The following PLEKHG1 variants were observed in gnomAD, a reference collection of about 807,000 sequenced individuals.
PLEKHG1 encodes the protein pleckstrin homology domain-containing family G member 1.
Under a neutral mutation model 100.8 loss-of-function variants are expected in PLEKHG1, and 44 were observed. The ratio of observed to expected loss-of-function variants is 0.44; its 90% CI spans 0.34 to 0.56. The LOEUF is 0.56. Among genes scored for constraint, PLEKHG1 ranks in the 20% least tolerant of loss-of-function variants. The pLI is 0.01. For missense variants in PLEKHG1, 1,545 were observed against 1,720.9 expected (o/e 0.90, Z 1.81); for synonymous variants, 640 against 662.5 (o/e 0.97, Z 0.52).
At chr6:150,816,337 T>C (rs1425261907) in intron 10 of PLEKHG1, among the ~76,000 whole-genome samples, 1 of 116,970 alleles carries the variant, frequency 8.5e-6, no homozygotes, top group African/African-American at 3.5e-5. Context: ...TTTTTTTTTT[T>C]TTTTTTTTTT....
chr6:150,764,269 C>A (rs1223329403), intron 2 of PLEKHG1, among the ~76,000 whole-genome samples: 1 of 152,002 alleles, frequency 6.6e-6, no homozygotes, highest in Non-Finnish European at 1.5e-5. Flanking sequence ...CAGGTGCCTG[C>A]CACCATGCCC....
chr6:150,681,775 G>T (rs1779943497), intron 3 of PLEKHG1, among the ~76,000 whole-genome samples: 2 of 152,128 alleles, frequency 1.3e-5, no homozygotes, highest in South Asian at 4.1e-4. Context: ...GCCCTGTAGT[G>T]CAGGGAGACC....
chr6:150,615,871 CCACTAGTCCAGGTGATGACTGAGCACT>C (rs951964593), intron 1 of PLEKHG1, among the ~76,000 whole-genome samples: 1 of 152,216 alleles, frequency 6.6e-6, no homozygotes, highest in African/African-American at 2.4e-5. Flanking sequence ...TAGCTTATCA[CCACTAGTCCAGGTGATGACTGAGCACT>C]CACTAGTCCA....
intron 7 of PLEKHG1, among the ~76,000 whole-genome samples, chr6:150,807,344 G>GT (rs1234437370): frequency 1.3e-5 from 2 of 152,210 alleles, no homozygotes; most frequent in East Asian, 3.9e-4. Context: ...TGAATGGCTG[G>GT]TTTTTCATAC....
At chr6:150,632,550 T>C (rs1229120418) in intron 1 of PLEKHG1, among the ~76,000 whole-genome samples, 1 of 152,232 alleles carries the variant, frequency 6.6e-6, no homozygotes, top group African/African-American at 2.4e-5. Flanking sequence ...GCCATACCCC[T>C]CTACCTGGCC....
chr6:150,822,260 T>C (rs909211922), intron 13 of PLEKHG1, among the ~76,000 whole-genome samples: 2 of 144,112 alleles, frequency 1.4e-5, no homozygotes, highest in Non-Finnish European at 3.0e-5. Context: ...AGAAAATCCA[T>C]ACATTTAAAT....
upstream of PLEKHG1, among the ~76,000 whole-genome samples, chr6:150,719,005 G>A (rs1379436854): frequency 6.6e-6 from 1 of 152,128 alleles, no homozygotes; most frequent in East Asian, 1.9e-4. Context: ...ATGCAGTTTA[G>A]GTGCTTTCAC....
chr6:150,689,413 A>G (rs2345745), intron 3 of PLEKHG1, among the ~76,000 whole-genome samples: 44,905 of 152,084 alleles, frequency 0.3, 8,210 homozygotes, highest in African/African-American at 0.52. Flanking sequence ...CTTTTCAGTT[A>G]GTTCTTTAAA....
chr6:150,786,998 C>T (rs1213869023), intron 4 of PLEKHG1, among the ~76,000 whole-genome samples: 1 of 147,354 alleles, frequency 6.8e-6, no homozygotes, highest in African/African-American at 2.5e-5. Flanking sequence ...CCATTGCACT[C>T]CAGCCTGGGT....
intron 1 of PLEKHG1, among the ~76,000 whole-genome samples, chr6:150,727,834 C>T (rs139436271): frequency 6.6e-4 from 101 of 152,254 alleles, no homozygotes; most frequent in African/African-American, 2.4e-3. Context: ...CAGAAATTCC[C>T]AGAAATTCTT....
intron 2 of PLEKHG1, among the ~76,000 whole-genome samples, chr6:150,649,656 C>A (rs1211424998): frequency 6.6e-6 from 1 of 152,296 alleles, no homozygotes; most frequent in Non-Finnish European, 1.5e-5. Flanking sequence ...GCGGGCAGAT[C>A]ACCTAAGGTC....
At chr6:150,810,159 C>T (rs1240453596) in intron 10 of PLEKHG1, among the ~76,000 whole-genome samples, 3 of 151,754 alleles carry the variant, frequency 2.0e-5, no homozygotes, top group African/African-American at 7.2e-5. Flanking sequence ...TAGCACCCGG[C>T]ATGATGGCAC....
intron 3 of PLEKHG1, among the ~76,000 whole-genome samples, chr6:150,710,051 A>G (rs1291756188): frequency 6.6e-6 from 1 of 152,200 alleles, no homozygotes; most frequent in Non-Finnish European, 1.5e-5. Flanking sequence ...ACCAATAGTC[A>G]TTATGAAAAC....
At chr6:150,809,846 G>A in intron 10 of PLEKHG1, 112 bp downstream of exon 11, 1 of 676,698 alleles carries the variant, frequency 1.5e-6, no homozygotes, top group Non-Finnish European at 2.5e-6. Flanking sequence ...TCCAGACTGG[G>A]CGACAGAGTG....
intron 3 of PLEKHG1, among the ~76,000 whole-genome samples, chr6:150,771,258 A>C (rs1403121678): frequency 6.6e-6 from 1 of 152,072 alleles, no homozygotes; most frequent in Non-Finnish European, 1.5e-5. Context: ...ACTAAAAAAT[A>C]CAAATAAAAT....
At chr6:150,738,358 A>G (rs1782683086) in intron 2 of PLEKHG1, among the ~76,000 whole-genome samples, 1 of 152,162 alleles carries the variant, frequency 6.6e-6, no homozygotes, top group South Asian at 2.1e-4. Context: ...ATTTTTGTGT[A>G]TACACCGAGT....
At chr6:150,788,733 G>T (rs765340818) in intron 4 of PLEKHG1, among the ~76,000 whole-genome samples, 2 of 152,150 alleles carry the variant, frequency 1.3e-5, no homozygotes, top group Non-Finnish European at 2.9e-5. Context: ...CCAGGGCAAC[G>T]TTTAGGAGGG....
At chr6:150,784,547 T>A (rs1785494872) in intron 3 of PLEKHG1, among the ~76,000 whole-genome samples, 1 of 152,124 alleles carries the variant, frequency 6.6e-6, no homozygotes, top group Non-Finnish European at 1.5e-5. Flanking sequence ...AAGGAATACA[T>A]TGGAAATAGC....
At chr6:150,800,021 T>C (rs550214083) in intron 5 of PLEKHG1, among the ~76,000 whole-genome samples, 2 of 152,354 alleles carry the variant, frequency 1.3e-5, no homozygotes, top group South Asian at 4.1e-4. Flanking sequence ...GAAAGAATTC[T>C]AACCCACTTT....
Sources: allele counts gnomAD v4.1 joint callset (sites outside exome capture counted in the v4.1 genomes callset), GRCh38; gene constraint gnomAD v4.1.1; transcripts MANE v1.5; gene names NCBI Gene and HGNC (gene_info 2026-07-23, HGNC 2026-07-21).